The following MRPS23 variants were observed in gnomAD, a reference collection of about 807,000 sequenced individuals.
MRPS23 encodes the protein mitochondrial ribosomal protein S23, also known as small ribosomal subunit protein mS23.
In MRPS23, 14 loss-of-function variants were observed where a neutral mutation model predicts 19.8. That is an observed-to-expected ratio of 0.71 (90% CI 0.47 to 1.11). MRPS23 has a LOEUF of 1.11. Among genes scored for constraint, MRPS23 ranks in the 50% least tolerant of loss-of-function variants. The pLI is 0.00. For synonymous variants in MRPS23, 113 were observed against 89.7 expected (o/e 1.26, Z -1.47); for missense variants, 242 against 236.7 (o/e 1.02, Z -0.15).
intron 2 of MRPS23, among the ~76,000 whole-genome samples, chr17:57,842,319 T>C (rs1030228708): frequency 6.6e-6 from 1 of 152,164 alleles, no homozygotes; most frequent in African/African-American, 2.4e-5. Flanking sequence ...CAGCCCACAT[T>C]TAACATTTTT....
chr17:57,847,993 G>A (rs2073787643), intron 2 of MRPS23, among the ~76,000 whole-genome samples: 1 of 127,992 alleles, frequency 7.8e-6, no homozygotes, highest in Admixed American at 8.4e-5. Flanking sequence ...CACCGTGCCT[G>A]GCCCAGAAAA....
At chr17:57,842,912 A>T (rs2073749879) in intron 2 of MRPS23, among the ~76,000 whole-genome samples, 1 of 149,442 alleles carries the variant, frequency 6.7e-6, no homozygotes. Flanking sequence ...ACACACACAC[A>T]CACACACACA....
rs200379700 is a variant in MRPS23 at position 57,849,344 on chromosome 17, G to A, written c.111C>T (p.Ala37=). The A allele has an allele frequency of 4.6e-5, 75 of 1,614,230 alleles. No homozygotes were observed. The highest frequency in any genetic ancestry group is 6.2e-5 in the Non-Finnish European group (73 of 1,180,038). Residue 37 remains alanine (A), a synonymous_variant, in exon 2 of 5, where the codon GCC becomes GCT. Coordinates refer to ENST00000313608, the MANE Select transcript of MRPS23 (RefSeq NM_016070.4). ...EKPLWFDVYD[A]FPPLREPVFQ... is the part of the protein sequence containing the mutation. Reference sequence around the variant, plus strand: ...AGACGGGCTCCCTCAGCGGGGGAAAGGCGTCATATACGTCAAACCACAGGG... The same window carrying A: ...AGACGGGCTCCCTCAGCGGGGGAAAAGCGTCATATACGTCAAACCACAGGG...
intron 1 of MRPS23, 38 bp downstream of exon 1, chr17:57,849,925 TGGGG>T: frequency 1.3e-6 from 2 of 1,571,476 alleles, no homozygotes; most frequent in Non-Finnish European, 1.7e-6. Flanking sequence ...AACCCCAGCC[TGGGG>T]GAGGCACCCT....
In MRPS23 at chr17:57,849,275, G is replaced by C; in HGVS notation, c.180C>G (p.Ile60Met). Residue 60 changes from isoleucine to methionine, a missense_variant, in exon 2 of 5, where the codon ATC becomes ATG. Transcript: ENST00000313608. ...GATCCTCGTGGTACCAGATGTCTTG[G>C]ATGGGAGCTTTGGCTTTGCCATATC... Reference protein sequence around the residue: ...RVRYGKAKAPIQDIWYHEDRI... With the variant: ...RVRYGKAKAPMQDIWYHEDRI... 6.2e-7 allele frequency: 1 copy of C among 1,614,220 alleles called. No homozygotes were observed. Among genetic ancestry groups the C allele is most frequent in the Middle Eastern group, 1.6e-4 (1 of 6,062 alleles).
intron 2 of MRPS23, among the ~76,000 whole-genome samples, chr17:57,842,742 G>T (rs1263563372): frequency 6.6e-6 from 1 of 151,714 alleles, no homozygotes; most frequent in Non-Finnish European, 1.5e-5. Flanking sequence ...ACATTCTCCA[G>T]CTGAGCATAG....
chr17:57,840,219 C>T (rs563910201), intron 4 of MRPS23, among the ~76,000 whole-genome samples: 3 of 152,280 alleles, frequency 2.0e-5, no homozygotes, highest in African/African-American at 7.2e-5. Flanking sequence ...AACCCCGTCT[C>T]TTCTAAAGCT....
intron 4 of MRPS23, 139 bp downstream of exon 4, chr17:57,840,787 T>C (rs2073735357): frequency 9.1e-7 from 1 of 1,102,674 alleles, no homozygotes; most frequent in East Asian, 2.5e-5. Context: ...GTAGGTTATA[T>C]GCAAAAACCA....
At chr17:57,843,712 C>T (rs1204160044) in intron 2 of MRPS23, among the ~76,000 whole-genome samples, 2 of 152,196 alleles carry the variant, frequency 1.3e-5, no homozygotes, top group African/African-American at 4.8e-5. Context: ...TGCTGGCACC[C>T]TGATCTCAGA....
chr17:57,849,544 C>G, intron 1 of MRPS23, 134 bp from the exon 2 acceptor site: 5 of 1,047,664 alleles, frequency 4.8e-6, no homozygotes, highest in Non-Finnish European at 6.8e-6. Flanking sequence ...CTGCTCCCCA[C>G]CTACAGAGAA....
Position 57,849,414 on chromosome 17 carries a change from A to AG in MRPS23, c.45-5dup, listed in dbSNP as rs1420091667. The AG allele has an allele frequency of 3.7e-6, 6 of 1,613,408 alleles. No homozygotes were observed. The highest frequency in any genetic ancestry group is 5.1e-6 in the Non-Finnish European group (6 of 1,179,866). On this transcript the variant is annotated splice_region_variant and splice_polypyrimidine_tract_variant and intron_variant, in intron 1 of 4. Transcript: ENST00000313608. ...GGCCCGAACCAGGTCCCGAGTCCTT[A>AG]GGGAGGGAACAGAACGAAACTGGGT...
chr17:57,849,046 G>A, intron 2 of MRPS23, 194 bp downstream of exon 2: 1 of 648,866 alleles, frequency 1.5e-6, no homozygotes, highest in African/African-American at 1.8e-5. Context: ...TCGGTTGCTG[G>A]GCTCCAGATT....
At chr17:57,840,874 T>C in intron 4 of MRPS23, 52 bp downstream of exon 4, 1 of 1,604,188 alleles carries the variant, frequency 6.2e-7, no homozygotes, top group East Asian at 2.2e-5. Flanking sequence ...CCCCTGTGCA[T>C]ACTGAGGGAC....
Position 57,836,307 on chromosome 17 carries a change from G to A in MRPS23, c.*3476C>T, listed in dbSNP as rs185732542. ...CTTGAATGAAGGCCACAGTAAATGA[G>A]GCAGGAGTACAAACAGTAGGCCAGG... On this transcript the variant is annotated 3_prime_UTR_variant, in exon 5 of 5. Coordinates refer to ENST00000313608, the MANE Select transcript of MRPS23 (RefSeq NM_016070.4). The A allele has an allele frequency of 6.6e-6, 1 of 152,278 alleles. No homozygotes were observed. The highest frequency in any genetic ancestry group is 6.5e-5 in the Admixed American group (1 of 15,290). 9.4% of individuals were successfully genotyped at this position (152,278 alleles called of 1,614,324 possible).
chr17:57,841,352 G>T, intron 2 of MRPS23, 92 bp from the exon 3 acceptor site: 1 of 1,349,010 alleles, frequency 7.4e-7, no homozygotes, highest in Non-Finnish European at 1.0e-6. Context: ...GCTAGGCACT[G>T]AGGAGTTAAG....
In MRPS23 at chr17:57,835,980, G is replaced by A. The variant is rs559216643; in HGVS notation, c.*3803C>T. 1 of 137,768 alleles carries A rather than the reference G, an allele frequency of 7.3e-6. No individual in the cohort carries two copies. Among genetic ancestry groups the A allele is most frequent in the Non-Finnish European group, 1.5e-5 (1 of 65,438 alleles). 8.5% of individuals were successfully genotyped at this position (137,768 alleles called of 1,614,324 possible). On this transcript the variant is annotated 3_prime_UTR_variant, in exon 5 of 5. Transcript: ENST00000313608. The stretch of plus-strand genomic sequence containing the variant: ...TTTTTTTTTTTTTTTTTGAGACAGT[G>A]TCTCTCTTCTGTCGCCCAGGCTGGG...
rs1163576750 is a variant in MRPS23, at chr17:57,842,879, AATAT to A, written c.216-1623_216-1620del. Among the ~76,000 whole-genome samples the A allele has an allele frequency of 2.1e-3, 209 of 99,412 alleles. 3 individuals carry two copies. Among genetic ancestry groups the A allele is most frequent in the African/African-American group, 7.8e-3 (180 of 23,198 alleles). 65.2% of individuals were successfully genotyped at this position (99,412 alleles called of 152,430 possible). A position where few individuals can be genotyped will look rare whatever the true frequency, so the allele number is the denominator to read the frequency against. ...ACCCTGTCTCTAAAAAAAAAAAAAA[AATAT>A]ATATATATACACACACACACACACA... On this transcript the variant is annotated intron_variant, in intron 2 of 4. Transcript: ENST00000313608.
chr17:57,842,563 G>A (rs55657200), intron 2 of MRPS23, among the ~76,000 whole-genome samples: 2 of 152,082 alleles, frequency 1.3e-5, no homozygotes, highest in Non-Finnish European at 2.9e-5. Context: ...AGTGCACTAC[G>A]TAAATAAGTC....
At chr17:57,845,415 C>G (rs1349158799) in intron 2 of MRPS23, among the ~76,000 whole-genome samples, 1 of 152,112 alleles carries the variant, frequency 6.6e-6, no homozygotes, top group Non-Finnish European at 1.5e-5. Context: ...TTATAAATTC[C>G]ATTTTCTAGC....
Sources: allele counts gnomAD v4.1 joint callset (sites outside exome capture counted in the v4.1 genomes callset), GRCh38; gene constraint gnomAD v4.1.1; transcripts MANE v1.5; gene names NCBI Gene and HGNC (gene_info 2026-07-23, HGNC 2026-07-21).